B4GALT5: variants seen among roughly 807,000 people sequenced by gnomAD.
The protein encoded by B4GALT5 is beta-1,4-galactosyltransferase 5.
Under a neutral mutation model 45.0 loss-of-function variants are expected in B4GALT5, and 11 were observed. The ratio of observed to expected loss-of-function variants is 0.24; its 90% CI spans 0.15 to 0.40. The LOEUF (loss-of-function observed/expected upper bound fraction) is 0.40. B4GALT5 is among the 10% of genes least tolerant of loss of function. The probability of loss-of-function intolerance (pLI) is 1.00; values close to 1 mark genes in which losing one functional copy is unlikely to be tolerated. For synonymous variants in B4GALT5, 185 were observed against 182.9 expected (o/e 1.01, Z -0.09); for missense variants, 337 against 500.2 (o/e 0.67, Z 3.11).
intron 1 of B4GALT5, among the ~76,000 whole-genome samples, chr20:49,710,098 A>T (rs1312925588): frequency 6.6e-6 from 1 of 152,224 alleles, no homozygotes; most frequent in African/African-American, 2.4e-5. Flanking sequence ...ATTTATAGCT[A>T]CATGATTTTT....
Position 49,636,275 on chromosome 20 carries a change from G to A in B4GALT5, c.*37C>T. On this transcript the variant is annotated 3_prime_UTR_variant, in exon 9 of 9. Coordinates refer to ENST00000371711, the MANE Select transcript of B4GALT5 (RefSeq NM_004776.4). ...AAAAATCTCATCGGACTGCTTTCTT[G>A]GTGGCGGTGGGTAAAGCAAACGTAC... The A allele has an allele frequency of 6.2e-7, 1 of 1,609,870 alleles. No individual in the cohort carries two copies. Among genetic ancestry groups the A allele is most frequent in the Non-Finnish European group, 8.5e-7 (1 of 1,177,668 alleles).
chr20:49,640,315 C>A (rs952791253), intron 6 of B4GALT5, among the ~76,000 whole-genome samples, 163 bp downstream of exon 6: 1 of 152,206 alleles, frequency 6.6e-6, no homozygotes, highest in Non-Finnish European at 1.5e-5. Flanking sequence ...TATTTCATTG[C>A]TTTCTCCTGC....
At chr20:49,676,783 T>C (rs2085739333) in intron 1 of B4GALT5, among the ~76,000 whole-genome samples, 1 of 152,242 alleles carries the variant, frequency 6.6e-6, no homozygotes, top group Admixed American at 6.5e-5. Context: ...GGGCACAGAA[T>C]AAAACCATAA....
At position 49,636,051 on chromosome 20, in the gene B4GALT5, C is replaced by A. The variant is rs565751074; in HGVS notation, c.*261G>T. 1.4e-4 allele frequency: 64 copies of A among 453,208 alleles called. 1 individual carries two copies. The highest frequency in any genetic ancestry group is 1.2e-3 in the African/African-American group (61 of 50,386). The allele number at this position is 453,208 out of a possible 1,614,324, so 28.1% of individuals were successfully genotyped here. On this transcript the variant is annotated 3_prime_UTR_variant, in exon 9 of 9. Transcript: ENST00000371711. The stretch of plus-strand genomic sequence containing the variant: ...GGGGTAGGAGATGGGGAGAGAGCAG[C>A]GGGACAGACGTCTGTCTTGTGAAAA...
intron 1 of B4GALT5, among the ~76,000 whole-genome samples, chr20:49,688,878 A>G (rs912905601): frequency 6.7e-6 from 1 of 149,256 alleles, no homozygotes; most frequent in African/African-American, 2.5e-5. Flanking sequence ...CAGAGGTGGC[A>G]GTGAGCCGAG....
intron 1 of B4GALT5, among the ~76,000 whole-genome samples, chr20:49,705,831 T>G (rs2085881397): frequency 6.6e-6 from 1 of 151,978 alleles, no homozygotes; most frequent in South Asian, 2.1e-4. Flanking sequence ...AGCCCAAACC[T>G]AATCTCAGTT....
At chr20:49,712,920 A>C (rs1475858868) in intron 1 of B4GALT5, among the ~76,000 whole-genome samples, 1 of 146,540 alleles carries the variant, frequency 6.8e-6, no homozygotes, top group Non-Finnish European at 1.5e-5. Context: ...CTGTAAGGGG[A>C]AGGGGGGTGC....
chr20:49,646,985 G>C lies in B4GALT5; in HGVS notation c.344C>G (p.Pro115Arg). 6.2e-7 allele frequency: 1 copy of C among 1,613,218 alleles called. No homozygotes were observed. Among genetic ancestry groups the C allele is most frequent in the Non-Finnish European group, 8.5e-7 (1 of 1,179,218 alleles). ...DFTYFANHTC[P>R]ERLPSMKGPI... ...CTCACTCATGGAAGGGAGTCTTTCA[G>C]GGCAGGTATGGTTTGCAAAGTAGGT... is the stretch of plus-strand genomic sequence containing the variant. The change falls in exon 3 of 9, where the codon CCT (proline) becomes CGT (arginine). Residue 115 changes from proline to arginine, a missense_variant. Coordinates refer to ENST00000371711, the MANE Select transcript of B4GALT5 (RefSeq NM_004776.4).
chr20:49,653,525 C>A (rs1311277109), intron 2 of B4GALT5, among the ~76,000 whole-genome samples: 1 of 152,226 alleles, frequency 6.6e-6, no homozygotes, highest in Admixed American at 6.5e-5. Flanking sequence ...GCCATTACTG[C>A]GATTCAGGGC....
Position 49,687,879 on chromosome 20 carries a change from TA to T in B4GALT5, c.115+25696del, listed in dbSNP as rs374029440. ...AACAACTCCAACAGCCAGAGAAAAT[TA>T]AAAAAAAAAAAATTTTTTTTTTCAA... On this transcript the variant is annotated intron_variant, in intron 1 of 8. Coordinates refer to ENST00000371711, the MANE Select transcript of B4GALT5 (RefSeq NM_004776.4). Among the ~76,000 whole-genome samples the T allele has an allele frequency of 1.5e-3, 212 of 145,534 alleles. 1 individual carries two copies. Among genetic ancestry groups the T allele is most frequent in the African/African-American group, 3.4e-3 (136 of 39,718 alleles).
At chr20:49,663,650 G>A (rs2085674280) in intron 1 of B4GALT5, among the ~76,000 whole-genome samples, 1 of 102,754 alleles carries the variant, frequency 9.7e-6, no homozygotes, top group Admixed American at 1.5e-4. Context: ...TCCAGCCAGA[G>A]CAACATAGTG....
intron 2 of B4GALT5, among the ~76,000 whole-genome samples, chr20:49,649,554 T>C (rs974001049): frequency 1.3e-5 from 2 of 152,024 alleles, no homozygotes; most frequent in African/African-American, 4.8e-5. Flanking sequence ...TACTCCAGCC[T>C]GGGTGACAGA....
intron 1 of B4GALT5, among the ~76,000 whole-genome samples, chr20:49,699,197 T>C (rs951971719): frequency 8.5e-5 from 13 of 152,052 alleles, no homozygotes; most frequent in African/African-American, 3.1e-4. Flanking sequence ...TCAGTACTGA[T>C]TGCCTTATGT....
At chr20:49,697,955 C>G (rs1366521533) in intron 1 of B4GALT5, among the ~76,000 whole-genome samples, 2 of 152,112 alleles carry the variant, frequency 1.3e-5, no homozygotes, top group African/African-American at 4.8e-5. Flanking sequence ...ACTGCCCCTG[C>G]TTTTGAGGTT....
At chr20:49,647,945 A>G (rs2085606075) in intron 2 of B4GALT5, among the ~76,000 whole-genome samples, 1 of 152,084 alleles carries the variant, frequency 6.6e-6, no homozygotes, top group Non-Finnish European at 1.5e-5. Context: ...CCTCTGTCTC[A>G]TCTTTTCTAT....
At chr20:49,637,670 G>T (rs2085559877) in intron 7 of B4GALT5, among the ~76,000 whole-genome samples, 1 of 151,874 alleles carries the variant, frequency 6.6e-6, no homozygotes, top group African/African-American at 2.4e-5. Flanking sequence ...TAGGTGGCTC[G>T]TGCCTGTAAT....
chr20:49,710,189 G>A (rs548030162), intron 1 of B4GALT5, among the ~76,000 whole-genome samples: 1 of 152,286 alleles, frequency 6.6e-6, no homozygotes, highest in African/African-American at 2.4e-5. Flanking sequence ...TGTAGCCACA[G>A]GGTATACAAA....
At chr20:49,708,239 T>C (rs1418421378) in intron 1 of B4GALT5, among the ~76,000 whole-genome samples, 1 of 152,000 alleles carries the variant, frequency 6.6e-6, no homozygotes, top group Non-Finnish European at 1.5e-5. Context: ...AGCGAGAGAC[T>C]TCATCTCAAA....
At chr20:49,649,150 G>A (rs766906695) in intron 2 of B4GALT5, among the ~76,000 whole-genome samples, 9 of 152,162 alleles carry the variant, frequency 5.9e-5, no homozygotes, top group Non-Finnish European at 8.8e-5. Flanking sequence ...AAAATTCAAC[G>A]AGAGGCAACT....
Sources: gnomAD v4.1 joint callset for allele counts (sites outside exome capture counted in the v4.1 genomes callset) on GRCh38, gnomAD v4.1.1 for gene constraint, MANE v1.5 for transcripts, NCBI Gene and HGNC (gene_info 2026-07-23, HGNC 2026-07-21) for gene names.